TBC1D4: variants seen among roughly 807,000 people sequenced by gnomAD.
The protein encoded by TBC1D4 is TBC (Tre-2, BUB2, CDC16) domain-containing protein.
Under a neutral mutation model 142.5 loss-of-function variants are expected in TBC1D4, and 121 were observed. The observed-to-expected ratio is 0.85, with a 90% CI of 0.73 to 0.99. The LOEUF (loss-of-function observed/expected upper bound fraction) is 0.99. Ranked by LOEUF, TBC1D4 falls within the 50% of genes least tolerant of loss-of-function variation. TBC1D4 has a pLI of 0.00. For synonymous variants in TBC1D4, 630 were observed against 628.2 expected (o/e 1.00, Z -0.04); for missense variants, 1,475 against 1,606.6 (o/e 0.92, Z 1.40).
Position 75,379,635 on chromosome 13 carries a change from T to C in TBC1D4, c.499-17028A>G, listed in dbSNP as rs189586161. Among the ~76,000 whole-genome samples the C allele has an allele frequency of 1.5e-3, 222 of 152,182 alleles. 1 individual carries two copies. The highest frequency in any genetic ancestry group is 5.1e-3 in the African/African-American group (211 of 41,538). On this transcript the variant is annotated intron_variant, in intron 1 of 20. Transcript: ENST00000377636. ...TACAAACATAGCACAGACCAACCTA[T>C]TGAGCAAAGACTAAGCACTATTAAA...
rs374784151 is a variant in TBC1D4 at position 75,286,879 on chromosome 13, G to C, written c.3810C>G (p.Pro1270=). 2 of 1,613,928 alleles carry C rather than the reference G, an allele frequency of 1.2e-6. No homozygotes were observed. The highest frequency in any genetic ancestry group is 1.7e-5 in the Admixed American group (1 of 59,930). The part of the protein sequence containing the change: ...KTVEQLRKLL[P]ADALVNCDLL... ...GGTCACAATTGACTAGAGCATCCGCGGGCAGCAGCTTCCGGAGTTGCTCCA... is the reference window on the plus strand; with the variant it reads ...GGTCACAATTGACTAGAGCATCCGCCGGCAGCAGCTTCCGGAGTTGCTCCA... Residue 1270 remains proline (P), a synonymous_variant, in exon 21 of 21, where the codon CCC becomes CCG. Coordinates refer to ENST00000377636, the MANE Select transcript of TBC1D4 (RefSeq NM_014832.5).
chr13:75,338,838 CG>C (rs1306246791), intron 7 of TBC1D4, among the ~76,000 whole-genome samples: 2 of 152,124 alleles, frequency 1.3e-5, no homozygotes, highest in Non-Finnish European at 2.9e-5. Flanking sequence ...CTTTATTTCC[CG>C]GCTCTGTTTC....
rs1316869072 is a variant in TBC1D4, at chr13:75,457,198, C to T, written c.498+24072G>A. ...ATATTCTACATTTTAATATGGATGT[C>T]GGTGACATGGGATATATATTATACA... On this transcript the variant is annotated intron_variant, in intron 1 of 20. Transcript: ENST00000377636. Among the ~76,000 whole-genome samples, 8 of 152,008 alleles carry T rather than the reference C, an allele frequency of 5.3e-5. No individual in the cohort carries two copies. In the South Asian group the frequency reaches 1.0e-3, roughly 20 times the overall value.
At chr13:75,432,544 T>A (rs1182673758) in intron 1 of TBC1D4, among the ~76,000 whole-genome samples, 1 of 152,090 alleles carries the variant, frequency 6.6e-6, no homozygotes, top group Non-Finnish European at 1.5e-5. Flanking sequence ...AAAAAGGCAA[T>A]GTTTGACCTG....
intron 1 of TBC1D4, among the ~76,000 whole-genome samples, chr13:75,416,397 C>A (rs928202593): frequency 6.6e-6 from 1 of 152,140 alleles, no homozygotes; most frequent in Admixed American, 6.5e-5. Context: ...TTTTGCAAAC[C>A]GTTTATTCAA....
At position 75,314,600 on chromosome 13, in the gene TBC1D4, A is replaced by G. The variant is rs567432037; in HGVS notation, c.2223-1702T>C. Among the ~76,000 whole-genome samples the G allele has an allele frequency of 1.8e-3, 273 of 152,312 alleles. 3 individuals are homozygous for G. The highest frequency in any genetic ancestry group is 6.4e-3 in the African/African-American group (265 of 41,564). On this transcript the variant is annotated intron_variant, in intron 12 of 20. Coordinates refer to ENST00000377636, the MANE Select transcript of TBC1D4 (RefSeq NM_014832.5). ...TACAGTACTTGATACATATATCTCA[A>G]TATAGTCAAACTCTGGTTATTATGC...
At chr13:75,382,268 T>C (rs947408521) in intron 1 of TBC1D4, among the ~76,000 whole-genome samples, 1 of 152,242 alleles carries the variant, frequency 6.6e-6, no homozygotes, top group Non-Finnish European at 1.5e-5. Context: ...GAGTGTCCAA[T>C]GTCTATTTAC....
chr13:75,472,264 C>A (rs1263178772), intron 1 of TBC1D4, among the ~76,000 whole-genome samples: 1 of 151,574 alleles, frequency 6.6e-6, no homozygotes, highest in African/African-American at 2.4e-5. Flanking sequence ...ACTAAAAATA[C>A]AAAAATTAGC....
intron 4 of TBC1D4, among the ~76,000 whole-genome samples, chr13:75,355,123 C>T (rs575628301): frequency 6.6e-6 from 1 of 152,324 alleles, no homozygotes; most frequent in African/African-American, 2.4e-5. Context: ...TCAGTGTCCA[C>T]ACTGGGAATG....
At chr13:75,391,150 TACA>T (rs1269455303) in intron 1 of TBC1D4, among the ~76,000 whole-genome samples, 1 of 143,974 alleles carries the variant, frequency 6.9e-6, no homozygotes, top group African/African-American at 2.6e-5. Context: ...CTCTCTCTTC[TACA>T]ACATCAGTTT....
intron 1 of TBC1D4, among the ~76,000 whole-genome samples, chr13:75,370,100 T>C (rs542281468): frequency 2.6e-5 from 4 of 152,246 alleles, no homozygotes; most frequent in African/African-American, 9.6e-5. Flanking sequence ...TCATGAGCAA[T>C]ATAAATATCA....
At chr13:75,316,279 A>C (rs1288162819) in intron 12 of TBC1D4, among the ~76,000 whole-genome samples, 1 of 152,180 alleles carries the variant, frequency 6.6e-6, no homozygotes, top group Admixed American at 6.5e-5. Context: ...ATATGTTATA[A>C]AAGAGGCGCA....
chr13:75,298,525 C>T (rs371469881), intron 17 of TBC1D4, among the ~76,000 whole-genome samples: 84 of 152,074 alleles, frequency 5.5e-4, no homozygotes, highest in East Asian at 3.7e-3. Flanking sequence ...CTGAGGCGGG[C>T]GGATCACCTG....
intron 1 of TBC1D4, among the ~76,000 whole-genome samples, chr13:75,410,109 G>A (rs188036177): frequency 3.3e-5 from 5 of 152,270 alleles, no homozygotes; most frequent in African/African-American, 7.2e-5. Context: ...GTTTAAATAA[G>A]CTAATGTACG....
At position 75,310,112 on chromosome 13, in the gene TBC1D4, A is replaced by G; in HGVS notation, c.2423T>C (p.Leu808Pro). 1 of 1,613,968 alleles carries G rather than the reference A, an allele frequency of 6.2e-7. No homozygotes were observed. The highest frequency in any genetic ancestry group is 8.5e-7 in the Non-Finnish European group (1 of 1,179,956). The change falls in exon 14 of 21, where the codon CTC (leucine) becomes CCC (proline). Residue 808 changes from leucine to proline, a missense_variant. By Grantham distance (98) the Leu-to-Pro change is moderately conservative. This residue lies in a region of TBC1D4 where 1,227 missense variants were observed against 1,267.7 expected (regional missense o/e 0.97). Transcript: ENST00000377636. Reference sequence around the variant, plus strand: ...CGGTTCCTCCTCCATGGTTGGAGAGAGGGGGGACAGTGGCAGCAGCTCGTT... The same window carrying G: ...CGGTTCCTCCTCCATGGTTGGAGAGGGGGGGGACAGTGGCAGCAGCTCGTT... The part of the protein sequence containing the change: ...DRNELLPLSP[L>P]SPTMEEEPLV...
chr13:75,396,946 G>A (rs2138330939), intron 1 of TBC1D4, among the ~76,000 whole-genome samples: 1 of 152,192 alleles, frequency 6.6e-6, no homozygotes, highest in Admixed American at 6.5e-5. Flanking sequence ...AAACAAGAGA[G>A]TAAAATAAGA....
At chr13:75,436,450 G>T (rs1235429390) in intron 1 of TBC1D4, among the ~76,000 whole-genome samples, 1 of 152,016 alleles carries the variant, frequency 6.6e-6, no homozygotes, top group Non-Finnish European at 1.5e-5. Flanking sequence ...AAGCTCAGGG[G>T]TTCAAGACTA....
chr13:75,320,227 C>T (rs919022507), intron 11 of TBC1D4, among the ~76,000 whole-genome samples, 190 bp from the exon 12 acceptor site: 1 of 151,680 alleles, frequency 6.6e-6, no homozygotes, highest in African/African-American at 2.4e-5. Flanking sequence ...AAAACTATAC[C>T]ACAAAGTACT....
intron 20 of TBC1D4, among the ~76,000 whole-genome samples, chr13:75,287,953 G>A (rs1162631846): frequency 6.6e-6 from 1 of 152,056 alleles, no homozygotes. Flanking sequence ...ACTTCAGAAG[G>A]GTCACCTGCT....
Sources: allele counts gnomAD v4.1 joint callset (sites outside exome capture counted in the v4.1 genomes callset), GRCh38; gene constraint gnomAD v4.1.1; regional missense constraint gnomAD v4.1.1; transcripts MANE v1.5; gene names NCBI Gene and HGNC (gene_info 2026-07-23, HGNC 2026-07-21).